SASH1: variants seen among roughly 807,000 people sequenced by gnomAD.
SASH1 encodes SAM and SH3 domain containing 1.
In SASH1, 44 loss-of-function variants were observed where a neutral mutation model predicts 125.2. The ratio of observed to expected loss-of-function variants is 0.35; its 90% confidence interval spans 0.28 to 0.45. SASH1 has a LOEUF of 0.45. Ranked by LOEUF, SASH1 falls within the 20% of genes least tolerant of loss-of-function variation. The probability of loss-of-function intolerance (pLI) is 1.00; values close to 1 mark genes in which losing one functional copy is unlikely to be tolerated. For missense variants in SASH1, 1,426 were observed against 1,614.5 expected (o/e 0.88, Z 2.00); for synonymous variants, 639 against 649.1 (o/e 0.98, Z 0.24).
chr6:148,533,352 C>G lies in SASH1; in HGVS notation c.1734+386C>G, dbSNP rs1179792381. Among the ~76,000 whole-genome samples the G allele has an allele frequency of 6.6e-6, 1 of 152,176 alleles. No homozygotes were observed. The highest frequency in any genetic ancestry group is 1.5e-5 in the Non-Finnish European group (1 of 68,032). On this transcript the variant is annotated intron_variant, in intron 14 of 19. Coordinates refer to ENST00000367467, the MANE Select transcript of SASH1 (RefSeq NM_015278.5). This position sits in a 1 kb window ranked among gnomAD's most constrained non-coding sequence, Gnocchi z 6.2. ...GTACCTTTATGGGACAGATGGGGTT[C>G]CACAAAGTGTGTGCAGCCATGACAG...
At chr6:148,534,622 CT>C in intron 15 of SASH1, 128 bp from the exon 16 acceptor site, 1 of 888,210 alleles carries the variant, frequency 1.1e-6, no homozygotes, top group Non-Finnish European at 1.8e-6. Flanking sequence ...GCAAATGATA[CT>C]TACTAATCTT....
the SASH1 span, among the ~76,000 whole-genome samples, chr6:148,215,854 T>A: frequency 3.2e-4 from 48 of 152,016 alleles, no homozygotes; most frequent in Middle Eastern, 3.4e-3. Flanking sequence ...TATTTATTTA[T>A]TTTATTTATT....
At chr6:148,462,318 G>A (rs1248397664) in intron 4 of SASH1, among the ~76,000 whole-genome samples, 2 of 146,202 alleles carry the variant, frequency 1.4e-5, no homozygotes, top group Non-Finnish European at 3.0e-5. Context: ...TTTTTTCTTG[G>A]TTATAATGAA....
chr6:148,438,160 A>G (rs1037091538), intron 2 of SASH1, among the ~76,000 whole-genome samples: 1 of 152,194 alleles, frequency 6.6e-6, no homozygotes, highest in Non-Finnish European at 1.5e-5. Context: ...ATTTCAGACA[A>G]ACTAACAGTT....
rs189808776 is a variant in SASH1, at chr6:148,418,754, C to T, written c.286-21430C>T. On this transcript the variant is annotated intron_variant, in intron 2 of 19. Coordinates refer to ENST00000367467, the MANE Select transcript of SASH1 (RefSeq NM_015278.5). ...GTACAGATAGCGTGGTGCAGTATTC[C>T]GATGGAAGCACCTGATCCAGTCTTA... Among the ~76,000 whole-genome samples, 112 of 152,240 alleles carry T rather than the reference C, an allele frequency of 7.4e-4. No homozygotes were observed. In the East Asian group the frequency reaches 0.018, roughly 24 times the overall value.
chr6:148,516,490 G>GCCCCC (rs1780445168), intron 9 of SASH1, among the ~76,000 whole-genome samples: 9 of 114,266 alleles, frequency 7.9e-5, no homozygotes, highest in South Asian at 3.2e-4. Flanking sequence ...GCCAGTAGGC[G>GCCCCC]CCCCCTCCCC....
At position 148,410,249 on chromosome 6, in the gene SASH1, T is replaced by G. The variant is rs1206243063; in HGVS notation, c.285+19987T>G. Among the ~76,000 whole-genome samples, 3 of 151,566 alleles carry G rather than the reference T, an allele frequency of 2.0e-5. No homozygotes were observed. In the East Asian group the frequency reaches 6.0e-4, roughly 30 times the overall value. On this transcript the variant is annotated intron_variant, in intron 2 of 19. Coordinates refer to ENST00000367467, the MANE Select transcript of SASH1 (RefSeq NM_015278.5). ...CCTCAGCCTCGTGAGTAGCTGAGATTACAGGCGCCCGCCACCACGCCCAGC... is the reference window on the plus strand; with the variant it reads ...CCTCAGCCTCGTGAGTAGCTGAGATGACAGGCGCCCGCCACCACGCCCAGC...
chr6:148,226,192 G>C, the SASH1 span, among the ~76,000 whole-genome samples: 2 of 152,078 alleles, frequency 1.3e-5, no homozygotes, highest in Non-Finnish European at 2.9e-5. Context: ...AGAACTTAAA[G>C]AAAAATGGTT....
intron 4 of SASH1, among the ~76,000 whole-genome samples, chr6:148,451,452 C>T (rs1777098098): frequency 1.3e-5 from 2 of 152,146 alleles, no homozygotes. Context: ...CTTTTCTTAC[C>T]GGATTCTATT....
intron 4 of SASH1, among the ~76,000 whole-genome samples, chr6:148,450,075 G>A (rs1777022214): frequency 6.6e-6 from 1 of 152,060 alleles, no homozygotes; most frequent in South Asian, 2.1e-4. Context: ...GTTTCAGTGG[G>A]GACAGAAAGA....
At chr6:148,524,116 TATA>T (rs1484904013) in intron 10 of SASH1, among the ~76,000 whole-genome samples, 3,097 of 92,952 alleles carry the variant, frequency 0.033, 64 homozygotes, top group African/African-American at 0.059. Flanking sequence ...TATATATATA[TATA>T]TATTTTTTTT....
At chr6:148,536,934 C>CTGA (rs1357567487) in intron 16 of SASH1, among the ~76,000 whole-genome samples, 1 of 152,176 alleles carries the variant, frequency 6.6e-6, no homozygotes, top group Non-Finnish European at 1.5e-5. Flanking sequence ...TAGAACGTCC[C>CTGA]TGATAGATAA....
intron 2 of SASH1, among the ~76,000 whole-genome samples, chr6:148,419,943 A>G (rs1784986032): frequency 6.6e-6 from 1 of 152,198 alleles, no homozygotes. Context: ...GAGTTCAACA[A>G]GGTGTTTTAA....
chr6:148,343,359 G>C (rs1374640175), intron 1 of SASH1, 136 bp downstream of exon 1: 3 of 721,852 alleles, frequency 4.2e-6, no homozygotes, highest in South Asian at 4.1e-5. Context: ...AGTTCTTAGG[G>C]GGCTAAATAC....
chr6:148,396,203 G>T (rs1392853910), intron 2 of SASH1, among the ~76,000 whole-genome samples: 3 of 152,072 alleles, frequency 2.0e-5, no homozygotes, highest in African/African-American at 7.2e-5. Context: ...TGCTGGACGG[G>T]TGCAGTGGCT....
rs1254252725 is a variant in SASH1, at chr6:148,519,457, A to G, written c.863-90A>G. 6.6e-5 allele frequency: 61 copies of G among 917,642 alleles called. No individual in the cohort carries two copies. The highest frequency in any genetic ancestry group is 1.7e-5 in the African/African-American group (1 of 60,394). 56.8% of individuals were successfully genotyped at this position (917,642 alleles called of 1,614,324 possible). On this transcript the variant is annotated intron_variant, in intron 9 of 19. Transcript: ENST00000367467. This position sits in a 1 kb window ranked among gnomAD's most constrained non-coding sequence, Gnocchi z 4.8. Reference sequence around the variant, plus strand: ...GGGAGCTGGGTTTATAAAGAGGGTCATGATACGGAGAAAGGTGGTGAATGT... The same window carrying G: ...GGGAGCTGGGTTTATAAAGAGGGTCGTGATACGGAGAAAGGTGGTGAATGT...
chr6:148,229,141 A>AAC, the SASH1 span, among the ~76,000 whole-genome samples: 9 of 117,870 alleles, frequency 7.6e-5, no homozygotes, highest in East Asian at 1.3e-3. Context: ...CTCAAAAAAA[A>AAC]AAAAAAAAAA....
rs1459396963 is a variant in SASH1 at position 148,519,177 on chromosome 6, G to C, written c.863-370G>C. Among the ~76,000 whole-genome samples the C allele has an allele frequency of 6.6e-6, 1 of 152,206 alleles. No individual in the cohort carries two copies. The highest frequency in any genetic ancestry group is 3.2e-3 in the Middle Eastern group (1 of 316). ...CATAAAGGAGTGCCTTTCAGAAGGG[G>C]GAAAGATCCTGATTCCTAGTTTCAG... On this transcript the variant is annotated intron_variant, in intron 9 of 19. Coordinates refer to ENST00000367467, the MANE Select transcript of SASH1 (RefSeq NM_015278.5). The surrounding 1 kb of genome is among the most constrained non-coding windows in gnomAD (Gnocchi z 4.8).
intron 2 of SASH1, among the ~76,000 whole-genome samples, chr6:148,420,628 T>G (rs1305286383): frequency 6.6e-6 from 1 of 152,204 alleles, no homozygotes; most frequent in Non-Finnish European, 1.5e-5. Context: ...GGTGGGCTTG[T>G]TCATACTCCT....
Sources: gnomAD v4.1 joint callset for allele counts (sites outside exome capture counted in the v4.1 genomes callset) on GRCh38, gnomAD v4.1.1 for gene constraint, Gnocchi (gnomAD v3.1) non-coding constraint, MANE v1.5 for transcripts, NCBI Gene and HGNC (gene_info 2026-07-23, HGNC 2026-07-21) for gene names.